The following PTPRD variants were observed in gnomAD, a reference collection of about 807,000 sequenced individuals.
The protein encoded by PTPRD is receptor-type tyrosine-protein phosphatase delta.
In PTPRD, 34 loss-of-function variants were observed where a neutral mutation model predicts 214.5. The ratio of observed to expected loss-of-function variants is 0.16; its 90% confidence interval spans 0.12 to 0.21. PTPRD has a LOEUF of 0.21. PTPRD is among the 10% of genes least tolerant of loss of function. The probability of loss-of-function intolerance (pLI) is 1.00; values close to 1 mark genes in which losing one functional copy is unlikely to be tolerated. For missense variants in PTPRD, 2,545 were observed against 2,398.7 expected, an observed-to-expected ratio of 1.06 and a Z score of -1.27; for synonymous variants, 1,128 against 845.7, an observed-to-expected ratio of 1.33 and a Z score of -5.79.
At chr9:10,517,436 A>G (rs935858859) in intron 2 of PTPRD, among the ~76,000 whole-genome samples, 1 of 151,910 alleles carries the variant, frequency 6.6e-6, no homozygotes, top group Non-Finnish European at 1.5e-5. Context: ...AATTTTACTC[A>G]ATTTGTTTAT....
chr9:10,175,701 A>T (rs903631425), intron 3 of PTPRD, among the ~76,000 whole-genome samples: 2 of 152,014 alleles, frequency 1.3e-5, no homozygotes, highest in Admixed American at 1.3e-4. Context: ...TTTAATTTCT[A>T]ATTTTCAAAA....
At chr9:9,436,868 T>C (rs994785632) in intron 8 of PTPRD, among the ~76,000 whole-genome samples, 3 of 146,546 alleles carry the variant, frequency 2.0e-5, no homozygotes, top group African/African-American at 7.6e-5. Flanking sequence ...TTTGCTTATA[T>C]ACCAAACAAA....
At chr9:8,613,409 A>G (rs1358757025) in intron 14 of PTPRD, among the ~76,000 whole-genome samples, 1 of 152,146 alleles carries the variant, frequency 6.6e-6, no homozygotes, top group Non-Finnish European at 1.5e-5. Flanking sequence ...GAAACAGAGC[A>G]CTTCAACCAT....
At position 10,318,019 on chromosome 9, in the gene PTPRD, TA is replaced by T. The variant is rs1452463186; in HGVS notation, c.-545+22943del. ...AATTTAACTATTTAGTCATTTTACA[TA>T]TGTCTGTCTACTACTTGTTCTGTTG... On this transcript the variant is annotated intron_variant, in intron 3 of 45. Transcript: ENST00000381196. Among the ~76,000 whole-genome samples the T allele has an allele frequency of 2.6e-4, 40 of 152,202 alleles. 1 individual carries two copies. Among genetic ancestry groups the T allele is most frequent in the Admixed American group, 1.4e-3 (21 of 15,270 alleles).
intron 28 of PTPRD, 200 bp from the exon 29 acceptor site, chr9:8,485,524 A>T (rs922414405): frequency 1.6e-6 from 1 of 620,362 alleles, no homozygotes; most frequent in Non-Finnish European, 2.8e-6. Flanking sequence ...AATTCAGCCA[A>T]CTCTATTGTG....
At chr9:10,005,814 A>T (rs2096462013) in intron 4 of PTPRD, among the ~76,000 whole-genome samples, 1 of 152,128 alleles carries the variant, frequency 6.6e-6, no homozygotes, top group Non-Finnish European at 1.5e-5. Context: ...AAATGCACAC[A>T]AATTCATAAA....
At chr9:8,555,047 A>T (rs1344167889) in intron 14 of PTPRD, among the ~76,000 whole-genome samples, 2 of 152,168 alleles carry the variant, frequency 1.3e-5, no homozygotes, top group Non-Finnish European at 2.9e-5. Context: ...AAATGTTACT[A>T]TATCAAGAGA....
chr9:9,889,172 AG>A (rs1287598147), intron 5 of PTPRD, among the ~76,000 whole-genome samples: 1 of 152,020 alleles, frequency 6.6e-6, no homozygotes, highest in Non-Finnish European at 1.5e-5. Context: ...ACGAAATTTT[AG>A]ACAGGAGGAG....
intron 14 of PTPRD, among the ~76,000 whole-genome samples, chr9:8,619,450 G>T (rs2154298889): frequency 6.7e-6 from 1 of 150,192 alleles, no homozygotes; most frequent in Admixed American, 6.7e-5. Context: ...CATAGCATTT[G>T]TCTTTCTGTG....
At chr9:10,549,054 A>G (rs10959164) in intron 2 of PTPRD, among the ~76,000 whole-genome samples, 58,351 of 152,074 alleles carry the variant, frequency 0.38, 12,604 homozygotes, top group Non-Finnish European at 0.5. Context: ...GTTTTGTTCA[A>G]TTCAAAAGGA....
chr9:8,751,243 AC>A lies in PTPRD; in HGVS notation c.-103-17298del, dbSNP rs531639774. Among the ~76,000 whole-genome samples, 616 of 152,186 alleles carry A rather than the reference AC, an allele frequency of 4.0e-3. 6 individuals carry two copies. The highest frequency in any genetic ancestry group is 0.014 in the African/African-American group (591 of 41,520). On this transcript the variant is annotated intron_variant, in intron 11 of 45. Transcript: ENST00000381196. ...CAGTTTAACACACTTTAGAATTTTTACTTAAAAAGTAAAGTACCTGACATTA... is the reference window on the plus strand; with the variant it reads ...CAGTTTAACACACTTTAGAATTTTTATTAAAAAGTAAAGTACCTGACATTA...
intron 9 of PTPRD, among the ~76,000 whole-genome samples, chr9:9,331,020 TA>T (rs1569567431): frequency 6.6e-6 from 1 of 151,798 alleles, no homozygotes. Context: ...TTGCATGGAA[TA>T]AAAAATCCTG....
At chr9:9,746,922 A>C (rs1195168528) in intron 6 of PTPRD, among the ~76,000 whole-genome samples, 2 of 152,080 alleles carry the variant, frequency 1.3e-5, no homozygotes, top group Non-Finnish European at 2.9e-5. Flanking sequence ...GCAAAGTTGA[A>C]TAAAAAGGAA....
At chr9:10,561,611 C>G in intron 2 of PTPRD, among the ~76,000 whole-genome samples, 1 of 152,076 alleles carries the variant, frequency 6.6e-6, no homozygotes, top group East Asian at 1.9e-4. Context: ...CCAGGACTCC[C>G]AAATCTGTGT....
At chr9:9,595,332 A>C (rs930109893) in intron 7 of PTPRD, among the ~76,000 whole-genome samples, 2 of 79,736 alleles carry the variant, frequency 2.5e-5, no homozygotes, top group Non-Finnish European at 3.9e-5. Context: ...TTATATATAT[A>C]ATATATATTG....
chr9:9,986,478 C>T (rs546725958), intron 4 of PTPRD, among the ~76,000 whole-genome samples: 16 of 152,116 alleles, frequency 1.1e-4, no homozygotes, highest in South Asian at 1.0e-3. Flanking sequence ...AGTAATATCA[C>T]TGCTGTAAGT....
intron 2 of PTPRD, among the ~76,000 whole-genome samples, chr9:10,351,868 G>T (rs929004339): frequency 2.0e-5 from 3 of 152,012 alleles, no homozygotes; most frequent in Non-Finnish European, 4.4e-5. Context: ...AGTGAAAGGG[G>T]ATGGGTCACA....
intron 8 of PTPRD, among the ~76,000 whole-genome samples, chr9:9,463,085 A>G (rs868629250): frequency 4.0e-5 from 6 of 150,842 alleles, no homozygotes; most frequent in Admixed American, 6.6e-5. Flanking sequence ...CGAAGAGACT[A>G]AATAGGAACA....
chr9:10,140,073 G>C (rs1307816988), intron 3 of PTPRD, among the ~76,000 whole-genome samples: 1 of 151,938 alleles, frequency 6.6e-6, no homozygotes, highest in East Asian at 1.9e-4. Flanking sequence ...TTCTCAGCAA[G>C]AGAGTTTCTC....
Sources: gnomAD v4.1 joint callset for allele counts (sites outside exome capture counted in the v4.1 genomes callset) on GRCh38, gnomAD v4.1.1 for gene constraint, MANE v1.5 for transcripts, NCBI Gene and HGNC (gene_info 2026-07-23, HGNC 2026-07-21) for gene names.